The following IQSEC1 variants were observed in gnomAD, a reference collection of about 807,000 sequenced individuals.
The protein encoded by IQSEC1 is IQ motif and Sec7 domain ArfGEF 1.
In IQSEC1, 31 loss-of-function variants were observed where a neutral mutation model predicts 91.0. The ratio of observed to expected loss-of-function variants is 0.34; its 90% confidence interval spans 0.26 to 0.46. The LOEUF (loss-of-function observed/expected upper bound fraction) is 0.46, where lower values mean the gene tolerates loss of function less well. Among genes scored for constraint, IQSEC1 ranks in the 20% least tolerant of loss-of-function variants. The pLI, the probability that IQSEC1 is intolerant of heterozygous loss-of-function variation, is 1.00. For missense variants in IQSEC1, 1,388 were observed against 1,575.6 expected, an observed-to-expected ratio of 0.88 and a Z score of 2.02; for synonymous variants, 699 against 662.6, an observed-to-expected ratio of 1.05 and a Z score of -0.84.
intron 1 of IQSEC1, among the ~76,000 whole-genome samples, chr3:13,006,966 T>C (rs1000092258): frequency 6.6e-6 from 1 of 152,248 alleles, no homozygotes; most frequent in Non-Finnish European, 1.5e-5. Flanking sequence ...AAAGCTCTGC[T>C]ACCGGCGGGT....
chr3:13,004,699 G>A (rs933907946), intron 1 of IQSEC1, among the ~76,000 whole-genome samples: 1 of 152,188 alleles, frequency 6.6e-6, no homozygotes, highest in Non-Finnish European at 1.5e-5. Context: ...GCAAGAGTAG[G>A]TGGGAGGGAG....
intron 2 of IQSEC1, among the ~76,000 whole-genome samples, chr3:12,938,933 G>A (rs574388083): frequency 3.2e-4 from 49 of 152,326 alleles, no homozygotes; most frequent in Non-Finnish European, 5.7e-4. Flanking sequence ...TGGACCTGGG[G>A]CTACTCTTCC....
In IQSEC1 at chr3:13,193,148, C is replaced by T. The variant is rs1386436806; in HGVS notation, c.273-29015G>A. 6.6e-6 allele frequency among the ~76,000 whole-genome samples: 1 copy of T among 152,206 alleles called. No homozygotes were observed. The highest frequency in any genetic ancestry group is 2.4e-5 in the African/African-American group (1 of 41,456). Reference sequence around the variant, plus strand: ...CCTTGTCCTACGAGCACAGGATGCCCACCTGCCCGGGGCTCACACACAGAG... The same window carrying T: ...CCTTGTCCTACGAGCACAGGATGCCTACCTGCCCGGGGCTCACACACAGAG... On this transcript the variant is annotated intron_variant, in intron 1 of 15. Coordinates refer to the IQSEC1 transcript ENST00000648114. This position sits in a 1 kb window ranked among gnomAD's most constrained non-coding sequence, Gnocchi z 4.2.
At chr3:13,014,646 G>C (rs901707546) in intron 1 of IQSEC1, among the ~76,000 whole-genome samples, 2 of 152,132 alleles carry the variant, frequency 1.3e-5, no homozygotes, top group African/African-American at 4.8e-5. Flanking sequence ...AGAGCTCCCA[G>C]GCTGCTCCCT....
chr3:13,174,127 G>A (rs1194982782), intron 1 of IQSEC1, among the ~76,000 whole-genome samples: 1 of 152,156 alleles, frequency 6.6e-6, no homozygotes, highest in African/African-American at 2.4e-5. Flanking sequence ...GTGCTCCTGG[G>A]GCAGGTGGCG....
chr3:13,146,962 A>G (rs1002933320), intron 2 of IQSEC1, among the ~76,000 whole-genome samples: 1 of 152,190 alleles, frequency 6.6e-6, no homozygotes, highest in African/African-American at 2.4e-5. Flanking sequence ...TCAGAGTATC[A>G]CTGTGAAGTC....
chr3:13,084,103 G>T (rs1028668726), intron 2 of IQSEC1, among the ~76,000 whole-genome samples: 12 of 152,200 alleles, frequency 7.9e-5, no homozygotes, highest in African/African-American at 2.2e-4. Context: ...GGTTTCTAGG[G>T]TGGGGTGGAA....
Position 12,899,309 on chromosome 3 carries a change from A to C in IQSEC1, c.*1674T>G. On this transcript the variant is annotated 3_prime_UTR_variant, in exon 14 of 14. Coordinates refer to ENST00000613206, the MANE Select transcript of IQSEC1 (RefSeq NM_001134382.3). ...CTGGGAACGCGGCCCCGCGGCCCGC[A>C]GAGTCAGGCGTGAGCTTCGCCCTTT... is the stretch of plus-strand genomic sequence containing the variant. 2.0e-6 allele frequency: 3 copies of C among 1,503,338 alleles called. No homozygotes were observed. The highest frequency in any genetic ancestry group is 2.7e-6 in the Non-Finnish European group (3 of 1,094,828). The allele number at this position is 1,503,338 out of a possible 1,614,324, so 93.1% of individuals were successfully genotyped here.
intron 2 of IQSEC1, among the ~76,000 whole-genome samples, chr3:13,098,052 T>C (rs1159079244): frequency 1.3e-5 from 2 of 152,200 alleles, no homozygotes; most frequent in Non-Finnish European, 2.9e-5. Flanking sequence ...GGGGCAGTGG[T>C]GCCCTCAATG....
In IQSEC1 at chr3:12,936,220, C is replaced by T. The variant is rs570967760; in HGVS notation, c.796G>A (p.Glu266Lys). Residue 266 changes from glutamate (E) to lysine (K), a missense_variant, in exon 3 of 14, where the codon GAA becomes AAA. This residue lies in a region of IQSEC1 where 1,059 missense variants were observed against 1,317.8 expected (regional missense o/e 0.80). Coordinates refer to ENST00000613206, the MANE Select transcript of IQSEC1 (RefSeq NM_001134382.3). ...ATGCCGTGCAGGGCTGTCTGGGGTT[C>T]GGTGTCCCGGGCCCGCGCCGCATCC... is the stretch of plus-strand genomic sequence containing the variant. ...ALDAARARDT[E>K]PQTALHGMDH... 9.9e-6 allele frequency: 16 copies of T among 1,613,090 alleles called. No homozygotes were observed. The highest frequency in any genetic ancestry group is 2.2e-5 in the East Asian group (1 of 44,858).
chr3:13,206,578 CAT>C (rs761928493), intron 1 of IQSEC1, among the ~76,000 whole-genome samples: 3 of 152,200 alleles, frequency 2.0e-5, no homozygotes, highest in Non-Finnish European at 4.4e-5. Flanking sequence ...CTTTGTTACA[CAT>C]GAGCTATGCC....
Position 13,207,864 on chromosome 3 carries a change from G to A in IQSEC1, c.273-43731C>T, listed in dbSNP as rs754837347. On this transcript the variant is annotated intron_variant, in intron 1 of 15. Transcript: ENST00000648114. The surrounding 1 kb of genome is among the most constrained non-coding windows in gnomAD (Gnocchi z 4.8). ...CAGCCTTCCCTCCTGCCTTTGTGCTGACTTGTTTACTCCATTTATCTCTCC... is the reference window on the plus strand; with the variant it reads ...CAGCCTTCCCTCCTGCCTTTGTGCTAACTTGTTTACTCCATTTATCTCTCC... 6.6e-6 allele frequency among the ~76,000 whole-genome samples: 1 copy of A among 152,154 alleles called. No homozygotes were observed. Among genetic ancestry groups the A allele is most frequent in the Non-Finnish European group, 1.5e-5 (1 of 68,038 alleles).
At chr3:12,939,186 G>C (rs899798782) in intron 2 of IQSEC1, among the ~76,000 whole-genome samples, 3 of 152,242 alleles carry the variant, frequency 2.0e-5, no homozygotes, top group African/African-American at 7.2e-5. Flanking sequence ...GCTCAGCGGA[G>C]GGAAGCCGCT....
intron 1 of IQSEC1, among the ~76,000 whole-genome samples, chr3:13,059,654 G>C (rs1704997048): frequency 6.6e-6 from 1 of 152,186 alleles, no homozygotes; most frequent in South Asian, 2.1e-4. Context: ...GGGAGGCTGA[G>C]GTGGGAGGAT....
upstream of IQSEC1, among the ~76,000 whole-genome samples, chr3:13,075,857 C>T (rs1237603921): frequency 1.3e-5 from 2 of 152,192 alleles, no homozygotes; most frequent in Admixed American, 1.3e-4. Context: ...TCTCTGACTA[C>T]GGAACCCACA....
chr3:12,901,583 A>G, intron 13 of IQSEC1, 61 bp from the exon 14 acceptor site: 2 of 1,208,058 alleles, frequency 1.7e-6, no homozygotes, highest in South Asian at 3.0e-5. Context: ...GGTCAGAATG[A>G]TTTTTTTTTT....
chr3:13,062,262 G>T lies in IQSEC1; in HGVS notation c.23+10730C>A, dbSNP rs140159550. On this transcript the variant is annotated intron_variant, in intron 1 of 13. Coordinates refer to ENST00000613206, the MANE Select transcript of IQSEC1 (RefSeq NM_001134382.3). Reference sequence around the variant, plus strand: ...TTCTTAAGTCCTAGCACGTCCTGAAGCCCAGCCCTGTGCCGTGAGAATCCA... The same window carrying T: ...TTCTTAAGTCCTAGCACGTCCTGAATCCCAGCCCTGTGCCGTGAGAATCCA... Among the ~76,000 whole-genome samples, 3 of 152,166 alleles carry T rather than the reference G, an allele frequency of 2.0e-5. No individual in the cohort carries two copies. The East Asian group carries it at 5.8e-4, about 29-fold the overall frequency.
intron 1 of IQSEC1, among the ~76,000 whole-genome samples, chr3:12,965,888 C>T (rs1003028107): frequency 6.6e-6 from 1 of 152,168 alleles, no homozygotes; most frequent in East Asian, 1.9e-4. Context: ...TCCATGAGGA[C>T]AAAGACTCCA....
At chr3:12,951,596 G>T (rs534724332) in intron 1 of IQSEC1, among the ~76,000 whole-genome samples, 1 of 152,224 alleles carries the variant, frequency 6.6e-6, no homozygotes, top group Non-Finnish European at 1.5e-5. Context: ...CATCCCCACT[G>T]ATGCCTAAAG....
Sources: allele counts gnomAD v4.1 joint callset (sites outside exome capture counted in the v4.1 genomes callset), GRCh38; gene constraint gnomAD v4.1.1; regional missense constraint gnomAD v4.1.1; non-coding constraint Gnocchi (gnomAD v3.1); transcripts MANE v1.5; gene names NCBI Gene and HGNC (gene_info 2026-07-23, HGNC 2026-07-21).